C8orf34: variants seen among roughly 807,000 people sequenced by gnomAD.
C8orf34 encodes chromosome 8 open reading frame 34.
C8orf34 carries 65 observed loss-of-function variants against 68.3 expected under a neutral mutation model. The ratio of observed to expected loss-of-function variants is 0.95; its 90% CI spans 0.78 to 1.17. The LOEUF is 1.17. C8orf34 is among the 50% of genes most tolerant of loss of function. The pLI is 0.00. For synonymous variants in C8orf34, 244 were observed against 241.2 expected (o/e 1.01, Z -0.11); for missense variants, 664 against 655.4 (o/e 1.01, Z -0.14).
intron 1 of C8orf34, among the ~76,000 whole-genome samples, chr8:68,342,033 T>G (rs1008335960): frequency 6.6e-6 from 1 of 152,210 alleles, no homozygotes; most frequent in African/African-American, 2.4e-5. Context: ...TTAACAATTA[T>G]GTATTGTATA....
intron 8 of C8orf34, among the ~76,000 whole-genome samples, chr8:68,671,508 T>C (rs1377108519): frequency 6.6e-6 from 1 of 152,170 alleles, no homozygotes; most frequent in Non-Finnish European, 1.5e-5. Flanking sequence ...GTTGTCTCAA[T>C]AGTTCTAATG....
At chr8:68,523,472 A>G (rs1056404482) in intron 6 of C8orf34, among the ~76,000 whole-genome samples, 8 of 152,140 alleles carry the variant, frequency 5.3e-5, no homozygotes, top group Admixed American at 1.3e-4. Context: ...AACTCAGTCC[A>G]TGAACCTGTC....
At chr8:68,554,034 T>C (rs1816172021) in intron 7 of C8orf34, among the ~76,000 whole-genome samples, 1 of 152,112 alleles carries the variant, frequency 6.6e-6, no homozygotes, top group African/African-American at 2.4e-5. Context: ...AATGTGCTCT[T>C]TTCTCTGTGT....
intron 8 of C8orf34, among the ~76,000 whole-genome samples, chr8:68,708,194 T>A (rs1204579293): frequency 6.6e-6 from 1 of 152,166 alleles, no homozygotes; most frequent in Non-Finnish European, 1.5e-5. Flanking sequence ...AATAGAGGGA[T>A]GTGCAGAATT....
At chr8:68,582,275 C>T (rs538165153) in intron 7 of C8orf34, among the ~76,000 whole-genome samples, 2 of 152,242 alleles carry the variant, frequency 1.3e-5, no homozygotes, top group African/African-American at 4.8e-5. Context: ...AGTGGGGGAA[C>T]CCAGCAAGGC....
chr8:68,353,163 G>A (rs1244416855), intron 1 of C8orf34, among the ~76,000 whole-genome samples: 1 of 152,066 alleles, frequency 6.6e-6, no homozygotes, highest in African/African-American at 2.4e-5. Flanking sequence ...ATCCACACCT[G>A]CTGAGCATGT....
intron 1 of C8orf34, among the ~76,000 whole-genome samples, chr8:68,435,021 G>A (rs1215530184): frequency 2.7e-5 from 4 of 150,152 alleles, no homozygotes; most frequent in African/African-American, 9.8e-5. Flanking sequence ...TTGCACTCCA[G>A]CCTGGGTGAC....
intron 2 of C8orf34, among the ~76,000 whole-genome samples, chr8:68,444,001 C>T (rs941604136): frequency 1.3e-4 from 19 of 151,936 alleles, no homozygotes; most frequent in East Asian, 9.7e-4. Flanking sequence ...TATGATTTTT[C>T]GGGAAAATCT....
chr8:68,491,182 A>C (rs947953761), intron 5 of C8orf34, among the ~76,000 whole-genome samples: 2 of 152,178 alleles, frequency 1.3e-5, no homozygotes, highest in Non-Finnish European at 2.9e-5. Context: ...AGGTAATAAG[A>C]ATCATTAATT....
At chr8:68,734,728 G>A (rs907297449) in intron 10 of C8orf34, among the ~76,000 whole-genome samples, 15 of 152,090 alleles carry the variant, frequency 9.9e-5, no homozygotes, top group African/African-American at 2.7e-4. Flanking sequence ...GGGTTAAGGC[G>A]GTCACACTCA....
intron 7 of C8orf34, among the ~76,000 whole-genome samples, chr8:68,576,290 G>A (rs912125538): frequency 1.3e-5 from 2 of 148,358 alleles, no homozygotes; most frequent in Non-Finnish European, 2.9e-5. Context: ...ACCTTTCCCT[G>A]AGGATTTGGG....
Position 68,776,376 on chromosome 8 carries a change from CCTCT to C in C8orf34, c.1405-20_1405-17del, listed in dbSNP as rs760137535. ...TCTCTCCTTCTCCTGACCTTTTCAA[CCTCT>C]CTTCCTCTTTACTTCTAGGGAGAAG... On this transcript the variant is annotated intron_variant, in intron 10 of 13. Coordinates refer to ENST00000518698, the MANE Select transcript of C8orf34 (RefSeq NM_052958.4). The C allele has an allele frequency of 3.1e-6, 5 of 1,598,872 alleles. No homozygotes were observed. Among genetic ancestry groups the C allele is most frequent in the Non-Finnish European group, 4.3e-6 (5 of 1,166,586 alleles).
In C8orf34 at chr8:68,646,861, A is replaced by T. The variant is rs946759512; in HGVS notation, c.1241+6350A>T. Among the ~76,000 whole-genome samples, 4 of 152,152 alleles carry T rather than the reference A, an allele frequency of 2.6e-5. No individual in the cohort carries two copies. In the East Asian group the frequency reaches 7.7e-4, roughly 29 times the overall value. On this transcript the variant is annotated intron_variant, in intron 8 of 13. Transcript: ENST00000518698. ...TATACCACATTTTGTTTATGCATTGATCCAATGATGGACACCTGCAGTGGT... is the reference window on the plus strand; with the variant it reads ...TATACCACATTTTGTTTATGCATTGTTCCAATGATGGACACCTGCAGTGGT...
At chr8:68,515,093 G>A (rs542955029) in intron 5 of C8orf34, among the ~76,000 whole-genome samples, 1 of 152,172 alleles carries the variant, frequency 6.6e-6, no homozygotes, top group Non-Finnish European at 1.5e-5. Flanking sequence ...CTAGATTATT[G>A]TAATCATTTC....
At chr8:68,387,655 T>C (rs1808315325) in intron 1 of C8orf34, among the ~76,000 whole-genome samples, 1 of 152,112 alleles carries the variant, frequency 6.6e-6, no homozygotes, top group Non-Finnish European at 1.5e-5. Flanking sequence ...GTTTCCTTCA[T>C]AGCACTGTGT....
At chr8:68,403,855 T>G (rs1466542763) in intron 1 of C8orf34, among the ~76,000 whole-genome samples, 2 of 152,186 alleles carry the variant, frequency 1.3e-5, no homozygotes, top group Non-Finnish European at 1.5e-5. Flanking sequence ...CATGTGCATG[T>G]GTCTTTATGG....
chr8:68,460,159 G>A (rs1189257380), intron 3 of C8orf34, among the ~76,000 whole-genome samples: 3 of 152,142 alleles, frequency 2.0e-5, no homozygotes, highest in Non-Finnish European at 2.9e-5. Flanking sequence ...GGCTCGGAGG[G>A]TCCTACACCC....
chr8:68,491,198 TA>T (rs1366539405), intron 5 of C8orf34, among the ~76,000 whole-genome samples: 1 of 152,104 alleles, frequency 6.6e-6, no homozygotes, highest in Non-Finnish European at 1.5e-5. Flanking sequence ...TAATTCTATT[TA>T]AAATAAAGAA....
At chr8:68,407,967 C>T (rs1014980262) in intron 1 of C8orf34, among the ~76,000 whole-genome samples, 6 of 152,114 alleles carry the variant, frequency 3.9e-5, no homozygotes, top group Admixed American at 1.3e-4. Flanking sequence ...CTGGTGTCCC[C>T]ATCCCCGGGC....
Sources: allele counts gnomAD v4.1 joint callset (sites outside exome capture counted in the v4.1 genomes callset), GRCh38; gene constraint gnomAD v4.1.1; transcripts MANE v1.5; gene names NCBI Gene and HGNC (gene_info 2026-07-23, HGNC 2026-07-21).